DNER: variants seen among roughly 807,000 people sequenced by gnomAD.
The protein encoded by DNER is delta/notch like EGF repeat containing.
DNER carries 33 observed loss-of-function variants against 78.2 expected under a neutral mutation model. That is an observed-to-expected ratio of 0.42 (90% confidence interval 0.32 to 0.56). The LOEUF is 0.56. DNER is among the 20% of genes least tolerant of loss of function. The probability of loss-of-function intolerance (pLI) is 0.11; values close to 1 mark genes in which losing one functional copy is unlikely to be tolerated. For missense variants in DNER, 918 were observed against 975.3 expected (o/e 0.94, Z 0.78); for synonymous variants, 417 against 384.8 (o/e 1.08, Z -0.98).
At chr2:229,683,753 T>A (rs1293548934) in intron 1 of DNER, among the ~76,000 whole-genome samples, 1 of 151,932 alleles carries the variant, frequency 6.6e-6, no homozygotes, top group Non-Finnish European at 1.5e-5. Context: ...ATAACATACC[T>A]CAATGGCCAT....
chr2:229,642,173 G>T (rs956600602), intron 1 of DNER, among the ~76,000 whole-genome samples: 1 of 152,014 alleles, frequency 6.6e-6, no homozygotes, highest in Non-Finnish European at 1.5e-5. Context: ...TCCTAGTATT[G>T]GGAATAAGGT....
intron 6 of DNER, among the ~76,000 whole-genome samples, chr2:229,500,764 T>A (rs939724038): frequency 2.8e-5 from 4 of 145,322 alleles, no homozygotes; most frequent in African/African-American, 9.9e-5. Flanking sequence ...AAGAGTAGGT[T>A]ATGGCGATAT....
intron 7 of DNER, among the ~76,000 whole-genome samples, chr2:229,450,241 ACT>A (rs1156498827): frequency 6.6e-6 from 1 of 151,890 alleles, no homozygotes; most frequent in African/African-American, 2.4e-5. Flanking sequence ...ATCCTTGAAA[ACT>A]CTATGAGATT....
chr2:229,479,653 C>T (rs1275463242), intron 6 of DNER, among the ~76,000 whole-genome samples: 1 of 148,318 alleles, frequency 6.7e-6, no homozygotes, highest in African/African-American at 2.5e-5. Flanking sequence ...GTAGAGGTTA[C>T]AGCGAGCCGA....
In DNER at chr2:229,477,131, A is replaced by G; in HGVS notation, c.1261+9T>C. 1 of 1,607,006 alleles carries G rather than the reference A, an allele frequency of 6.2e-7. No individual in the cohort carries two copies. Among genetic ancestry groups the G allele is most frequent in the Non-Finnish European group, 8.5e-7 (1 of 1,175,182 alleles). On this transcript the variant is annotated intron_variant, in intron 7 of 12. Transcript: ENST00000341772. ...AAAAGTTCTTTCTGGAGTAATAAATACTAATTACCTTCTGGACACTGGCAG... is the reference window on the plus strand; with the variant it reads ...AAAAGTTCTTTCTGGAGTAATAAATGCTAATTACCTTCTGGACACTGGCAG...
chr2:229,484,010 T>C (rs1307059984), intron 6 of DNER, among the ~76,000 whole-genome samples: 1 of 152,146 alleles, frequency 6.6e-6, no homozygotes, highest in Non-Finnish European at 1.5e-5. Context: ...TTGGTTTCCT[T>C]CCGAGAACAT....
chr2:229,512,810 T>C lies in DNER; in HGVS notation c.1120A>G (p.Ser374Gly). 6.2e-7 allele frequency: 1 copy of C among 1,614,148 alleles called. No homozygotes were observed. Among genetic ancestry groups the C allele is most frequent in the Non-Finnish European group, 8.5e-7 (1 of 1,179,992 alleles). ...GGAAGGCAAACACAGGTGAAATTGCTCCCATCTTGCTTTTCATTTGCATCA... is the reference window on the plus strand; with the variant it reads ...GGAAGGCAAACACAGGTGAAATTGCCCCCATCTTGCTTTTCATTTGCATCA... ...CIDANEKQDG[S>G]NFTCVCLPGY... The change falls in exon 6 of 13, where the codon AGC (serine) becomes GGC (glycine). Residue 374 changes from serine (S) to glycine (G), a missense_variant. Ser to Gly is a moderately conservative substitution (Grantham distance 56). Transcript: ENST00000341772.
At chr2:229,600,819 T>C (rs376136568) in intron 1 of DNER, among the ~76,000 whole-genome samples, 2 of 152,058 alleles carry the variant, frequency 1.3e-5, no homozygotes, top group Admixed American at 6.5e-5. Context: ...TAGAACTAGG[T>C]GGACCCATGG....
At chr2:229,584,211 A>G (rs1697454199) in intron 4 of DNER, among the ~76,000 whole-genome samples, 2 of 152,054 alleles carry the variant, frequency 1.3e-5, no homozygotes, top group Non-Finnish European at 2.9e-5. Context: ...TTATCCTTGT[A>G]CATTCGTTAT....
At chr2:229,472,968 C>T (rs1412411087) in intron 7 of DNER, among the ~76,000 whole-genome samples, 2 of 152,068 alleles carry the variant, frequency 1.3e-5, no homozygotes, top group East Asian at 1.9e-4. Context: ...TCGGGCTGCC[C>T]GATTTGGAAC....
intron 1 of DNER, among the ~76,000 whole-genome samples, chr2:229,615,668 T>C (rs2052307): frequency 0.76 from 115,159 of 152,040 alleles, 43,963 homozygotes; most frequent in Admixed American, 0.82. Flanking sequence ...GCAGAGACCG[T>C]GCCACTGCAC....
chr2:229,525,194 C>A (rs1481919343), intron 5 of DNER, among the ~76,000 whole-genome samples: 3 of 152,236 alleles, frequency 2.0e-5, no homozygotes, highest in East Asian at 3.9e-4. Context: ...GCATGTATAA[C>A]TTTAACCCAG....
At chr2:229,706,326 G>T (rs1429898391) in intron 1 of DNER, among the ~76,000 whole-genome samples, 1 of 151,416 alleles carries the variant, frequency 6.6e-6, no homozygotes, top group African/African-American at 2.4e-5. Context: ...TGAGATGGGT[G>T]GATCACTTGA....
intron 1 of DNER, among the ~76,000 whole-genome samples, chr2:229,711,055 G>T (rs935676635): frequency 1.3e-5 from 2 of 151,088 alleles, no homozygotes; most frequent in African/African-American, 4.9e-5. Flanking sequence ...ACATAATGGG[G>T]CTCTCTGGGG....
intron 10 of DNER, among the ~76,000 whole-genome samples, chr2:229,399,174 C>A (rs115649186): frequency 0.039 from 5,090 of 129,282 alleles, 132 homozygotes; most frequent in African/African-American, 0.085. Flanking sequence ...AAGAAATCTA[C>A]AAAAAAAAAA....
At chr2:229,691,617 ATCT>A (rs1341200424) in intron 1 of DNER, among the ~76,000 whole-genome samples, 1 of 152,166 alleles carries the variant, frequency 6.6e-6, no homozygotes, top group Non-Finnish European at 1.5e-5. Context: ...AAGGAACCAA[ATCT>A]TCTCATTAAA....
intron 7 of DNER, among the ~76,000 whole-genome samples, chr2:229,453,844 C>T (rs924232118): frequency 7.0e-6 from 1 of 142,534 alleles, no homozygotes; most frequent in East Asian, 2.1e-4. Context: ...GGCAGACAGA[C>T]GGATGGATGA....
intron 8 of DNER, among the ~76,000 whole-genome samples, chr2:229,435,779 T>A (rs1694109627): frequency 6.6e-6 from 1 of 152,188 alleles, no homozygotes; most frequent in African/African-American, 2.4e-5. Context: ...TTGGTAATCA[T>A]CAACATATCA....
chr2:229,500,567 G>T (rs932878209), intron 6 of DNER, among the ~76,000 whole-genome samples: 1 of 152,128 alleles, frequency 6.6e-6, no homozygotes, highest in Non-Finnish European at 1.5e-5. Context: ...GTATTTCGAG[G>T]TGATATTTCC....
Sources: allele counts gnomAD v4.1 joint callset (sites outside exome capture counted in the v4.1 genomes callset), GRCh38; gene constraint gnomAD v4.1.1; transcripts MANE v1.5; gene names NCBI Gene and HGNC (gene_info 2026-07-23, HGNC 2026-07-21).